The following CALM2 variants were observed in gnomAD, a reference collection of about 807,000 sequenced individuals.
The protein encoded by CALM2 is calmodulin 2, also known as calmodulin-2.
CALM2 carries 2 observed loss-of-function variants against 19.8 expected under a neutral mutation model. That is an observed-to-expected ratio of 0.10 (90% confidence interval 0.04 to 0.32). CALM2 has a LOEUF of 0.32. Ranked by LOEUF, CALM2 falls within the 10% of genes least tolerant of loss-of-function variation. The pLI, the probability that CALM2 is intolerant of heterozygous loss-of-function variation, is 1.00. For synonymous variants in CALM2, 51 were observed against 52.1 expected (o/e 0.98, Z 0.09); for missense variants, 38 against 178.7 (o/e 0.21, Z 4.49).
chr2:47,176,575 TC>T, upstream of CALM2: 32 of 1,549,296 alleles, frequency 2.1e-5, no homozygotes, highest in South Asian at 3.7e-4. Flanking sequence ...CTCCGCCGCA[TC>T]CAGATAACGG....
intron 1 of CALM2, 184 bp from the exon 2 acceptor site, chr2:47,170,948 C>T (rs902558902): frequency 3.4e-6 from 2 of 591,748 alleles, no homozygotes; most frequent in Admixed American, 2.9e-5. Context: ...GCTGTCTTAA[C>T]TCCAAGTTTA....
At chr2:47,176,757 GA>G (rs1573236889), upstream of CALM2, 1 of 985,454 alleles carries the variant, frequency 1.0e-6, no homozygotes, top group East Asian at 1.1e-4. Context: ...AGCGGCCCCT[GA>G]GGGGCGCTAC....
chr2:47,175,779 G>C (rs1207851170), intron 1 of CALM2, among the ~76,000 whole-genome samples: 1 of 149,592 alleles, frequency 6.7e-6, no homozygotes, highest in Non-Finnish European at 1.5e-5. Flanking sequence ...GAGCGGGGCC[G>C]AGCGGGGCGG....
rs1687125699 is a variant in CALM2, at chr2:47,160,632, A to G, written c.*144T>C. 3.8e-6 allele frequency: 2 copies of G among 522,552 alleles called. No homozygotes were observed. The highest frequency in any genetic ancestry group is 6.9e-6 in the Non-Finnish European group (2 of 289,592). 32.4% of individuals were successfully genotyped at this position (522,552 alleles called of 1,614,324 possible). A position where few individuals can be genotyped will look rare whatever the true frequency, so the allele number is the denominator to read the frequency against. ...ACAATGACAGTAAGATAAGGGAAGA[A>G]AACATGGAGGAATGAAGTCCTAATT... On this transcript the variant is annotated 3_prime_UTR_variant, in exon 6 of 6. Coordinates refer to ENST00000272298, the MANE Select transcript of CALM2 (RefSeq NM_001743.6).
chr2:47,161,921 T>C (rs1010697319), intron 4 of CALM2, 63 bp from the exon 5 acceptor site: 2 of 1,357,016 alleles, frequency 1.5e-6, no homozygotes, highest in East Asian at 4.7e-5. Flanking sequence ...GAATGGAAAT[T>C]TATTAAGTTT....
At chr2:47,169,044 AAT>A (rs1666584931) in intron 2 of CALM2, among the ~76,000 whole-genome samples, 1 of 151,998 alleles carries the variant, frequency 6.6e-6, no homozygotes, top group Non-Finnish European at 1.5e-5. Flanking sequence ...AAAGTGCTGG[AAT>A]TACAGGCGTG....
At chr2:47,162,010 T>G (rs1687171163) in intron 4 of CALM2, 152 bp from the exon 5 acceptor site, 3 of 691,812 alleles carry the variant, frequency 4.3e-6, no homozygotes, top group South Asian at 4.0e-5. Context: ...CAAATGTCAT[T>G]AAGAGCCAAG....
intron 1 of CALM2, chr2:47,171,843 C>T (rs925823217): frequency 6.6e-6 from 1 of 151,952 alleles, no homozygotes; most frequent in South Asian, 2.1e-4. Context: ...TAAATGAACA[C>T]ACCCCTGGAA....
At chr2:47,172,443 C>T in intron 1 of CALM2, 1 of 931,480 alleles carries the variant, frequency 1.1e-6, no homozygotes, top group South Asian at 1.4e-5. Flanking sequence ...AAGTGAGATG[C>T]TATGTACAAA....
intron 2 of CALM2, chr2:47,163,623 G>C (rs1395332655): frequency 6.6e-6 from 1 of 151,970 alleles, no homozygotes; most frequent in East Asian, 2.0e-4. Context: ...GTAGAGATGG[G>C]GTTTCTCCAC....
At chr2:47,176,316 C>G (rs1403088688) in intron 1 of CALM2, 125 bp downstream of exon 1, 2 of 1,204,910 alleles carry the variant, frequency 1.7e-6, no homozygotes, top group African/African-American at 3.0e-5. Context: ...GCCTCTTTCG[C>G]GCCATCCCTC....
chr2:47,161,903 G>C (rs772418940), intron 4 of CALM2, 45 bp from the exon 5 acceptor site: 14 of 1,519,154 alleles, frequency 9.2e-6, no homozygotes, highest in Non-Finnish European at 1.3e-5. Context: ...TTACAGACTT[G>C]AGAGTTGGAA....
chr2:47,175,676 A>G (rs1666835091), intron 1 of CALM2, among the ~76,000 whole-genome samples: 1 of 151,242 alleles, frequency 6.6e-6, no homozygotes, highest in South Asian at 2.1e-4. Context: ...GAAACCGTCG[A>G]GGCCCCCCTC....
Position 47,160,536 on chromosome 2 carries a change from G to C in CALM2, c.*240C>G, listed in dbSNP as rs1687123482. On this transcript the variant is annotated 3_prime_UTR_variant, in exon 6 of 6. Transcript: ENST00000272298. ...CCATCTAAGTTTAGATGTGCAGAAGGGCTTAGATATATCCAGAGTAAGCCA... is the reference window on the plus strand; with the variant it reads ...CCATCTAAGTTTAGATGTGCAGAAGCGCTTAGATATATCCAGAGTAAGCCA... 2.6e-6 allele frequency: 1 copy of C among 388,740 alleles called. No individual in the cohort carries two copies. Among genetic ancestry groups the C allele is most frequent in the South Asian group, 7.6e-5 (1 of 13,128 alleles). 24.1% of individuals were successfully genotyped at this position (388,740 alleles called of 1,614,324 possible).
At chr2:47,176,909 C>T (rs891586892), upstream of CALM2, 20 of 985,290 alleles carry the variant, frequency 2.0e-5, no homozygotes, top group Admixed American at 1.2e-4. Flanking sequence ...TCTGCCGTTG[C>T]TGCTCGGGCC....
At chr2:47,164,469 C>T (rs62141690) in intron 2 of CALM2, among the ~76,000 whole-genome samples, 2 of 150,518 alleles carry the variant, frequency 1.3e-5, no homozygotes, top group Non-Finnish European at 3.0e-5. Context: ...TGGCGGCGTG[C>T]GCCTGTAGTC....
chr2:47,174,930 C>T lies in CALM2; in HGVS notation c.3+1511G>A, dbSNP rs146740136. Among the ~76,000 whole-genome samples, 97 of 152,148 alleles carry T rather than the reference C, an allele frequency of 6.4e-4. 1 individual carries two copies. The East Asian group carries it at 0.018, about 28-fold the overall frequency. ...GTTTTATTTAAGGTGAAATCGTCTC[C>T]CCACACCCATACAGGCTGGAGGTTT... On this transcript the variant is annotated intron_variant, in intron 1 of 5. Coordinates refer to ENST00000272298, the MANE Select transcript of CALM2 (RefSeq NM_001743.6).
chr2:47,173,559 T>C (rs1394507028), intron 1 of CALM2: 4 of 152,238 alleles, frequency 2.6e-5, no homozygotes, highest in African/African-American at 9.6e-5. Flanking sequence ...ATTAGTGACC[T>C]GAAGTGAATA....
rs917621858 is a variant in CALM2 at position 47,165,429 on chromosome 2, G to A, written c.35-2767C>T. On this transcript the variant is annotated intron_variant, in intron 2 of 5. Coordinates refer to ENST00000272298, the MANE Select transcript of CALM2 (RefSeq NM_001743.6). The stretch of plus-strand genomic sequence containing the variant: ...CTGGTCACCCCCCATAAAAAAATTA[G>A]TATGTGTCAAACACTTAGAACTATG... Among the ~76,000 whole-genome samples, 23 of 152,240 alleles carry A rather than the reference G, an allele frequency of 1.5e-4. No individual in the cohort carries two copies. The East Asian group carries it at 1.9e-3, about 13-fold the overall frequency.
Sources: allele counts gnomAD v4.1 joint callset (sites outside exome capture counted in the v4.1 genomes callset), GRCh38; gene constraint gnomAD v4.1.1; transcripts MANE v1.5; gene names NCBI Gene and HGNC (gene_info 2026-07-23, HGNC 2026-07-21).